Variants in NAV3 observed in about 807,000 individuals in gnomAD.
The protein encoded by NAV3 is neuron navigator 3.
A neutral mutation model predicts 244.7 loss-of-function variants in NAV3; 87 were observed. That is an observed-to-expected ratio of 0.36 (90% CI 0.30 to 0.42). The LOEUF (loss-of-function observed/expected upper bound fraction) is 0.42. NAV3 is among the 20% of genes least tolerant of loss of function. The pLI, the probability that NAV3 is intolerant of heterozygous loss-of-function variation, is 1.00. For synonymous variants in NAV3, 1,126 were observed against 1,042.2 expected, an observed-to-expected ratio of 1.08 and a Z score of -1.55; for missense variants, 2,663 against 2,893.3, an observed-to-expected ratio of 0.92 and a Z score of 1.83.
chr12:77,996,214 C>CCTAT lies in NAV3; in HGVS notation c.740+1344_740+1347dup, dbSNP rs569366446. ...TTGGAATGAACTTTCTAAGTCTATGCCTATGTCTACAGAAATAGTTCTCAG... is the reference window on the plus strand; with the variant it reads ...TTGGAATGAACTTTCTAAGTCTATGCCTATCTATGTCTACAGAAATAGTTCTCAG... On this transcript the variant is annotated intron_variant, in intron 6 of 39. Coordinates refer to ENST00000397909, the MANE Select transcript of NAV3 (RefSeq NM_001024383.2). Among the ~76,000 whole-genome samples, 38 of 152,160 alleles carry CCTAT rather than the reference C, an allele frequency of 2.5e-4. No individual in the cohort carries two copies. In the South Asian group the frequency reaches 7.1e-3, roughly 28 times the overall value.
intron 2 of NAV3, among the ~76,000 whole-genome samples, chr12:77,763,793 T>A (rs1433474444): frequency 6.6e-6 from 1 of 152,180 alleles, no homozygotes; most frequent in Non-Finnish European, 1.5e-5. Context: ...GACCTCATAC[T>A]TGGGATAAAG....
intron 2 of NAV3, among the ~76,000 whole-genome samples, chr12:77,573,626 G>A (rs968658186): frequency 2.6e-5 from 4 of 152,090 alleles, no homozygotes; most frequent in African/African-American, 9.7e-5. Flanking sequence ...TCAATCTAAA[G>A]CATTCTCTGC....
intron 2 of NAV3, among the ~76,000 whole-genome samples, chr12:77,816,680 G>A (rs145704404): frequency 3.4e-4 from 52 of 152,206 alleles, no homozygotes; most frequent in Admixed American, 1.2e-3. Context: ...TCAATGTGTT[G>A]TGCCATTTAC....
At chr12:77,643,949 A>G (rs698155) in intron 2 of NAV3, among the ~76,000 whole-genome samples, 5,233 of 152,208 alleles carry the variant, frequency 0.034, 95 homozygotes, top group Middle Eastern at 0.048. Context: ...AACTTGAAAA[A>G]TATTTGAGCT....
At chr12:78,164,225 A>G (rs1251936351) in intron 23 of NAV3, among the ~76,000 whole-genome samples, 1 of 152,104 alleles carries the variant, frequency 6.6e-6, no homozygotes, top group Non-Finnish European at 1.5e-5. Context: ...CAATTAGAAC[A>G]TATGTTAAGG....
intron 18 of NAV3, among the ~76,000 whole-genome samples, chr12:78,132,544 C>T (rs528320174): frequency 5.5e-4 from 84 of 152,252 alleles, no homozygotes; most frequent in Admixed American, 1.4e-3. Flanking sequence ...TTATTGTAGA[C>T]ACAAGGTCAC....
At chr12:77,652,544 A>G (rs1872874473) in intron 2 of NAV3, among the ~76,000 whole-genome samples, 1 of 152,212 alleles carries the variant, frequency 6.6e-6, no homozygotes, top group African/African-American at 2.4e-5. Context: ...CTAGAATACT[A>G]AAAAGATGTA....
chr12:77,850,926 C>A (rs1877416704), intron 1 of NAV3, among the ~76,000 whole-genome samples: 1 of 152,206 alleles, frequency 6.6e-6, no homozygotes, highest in Admixed American at 6.5e-5. Context: ...TCATATTCTG[C>A]ACCTGTCCTG....
At chr12:78,044,487 T>A (rs1186532337) in intron 9 of NAV3, among the ~76,000 whole-genome samples, 1 of 152,224 alleles carries the variant, frequency 6.6e-6, no homozygotes, top group Non-Finnish European at 1.5e-5. Flanking sequence ...GGTAGCTTTA[T>A]GGGGATAGCA....
At chr12:78,209,112 C>G (rs1408791819) in intron 39 of NAV3, among the ~76,000 whole-genome samples, 1 of 152,084 alleles carries the variant, frequency 6.6e-6, no homozygotes, top group Admixed American at 6.6e-5. Context: ...TTAGGAGAGT[C>G]AGATTGAAAA....
intron 2 of NAV3, chr12:77,775,900 T>A (rs1163909284): frequency 1.3e-5 from 2 of 152,268 alleles, no homozygotes; most frequent in African/African-American, 4.8e-5. Context: ...ATCCTTTGTG[T>A]ACATGCATGA....
chr12:78,107,831 T>G (rs1270678124), intron 12 of NAV3, among the ~76,000 whole-genome samples: 1 of 151,872 alleles, frequency 6.6e-6, no homozygotes, highest in East Asian at 1.9e-4. Flanking sequence ...GGTAAGCAAC[T>G]AAAGGGAGGT....
At chr12:77,962,823 T>A (rs1892149254) in intron 3 of NAV3, among the ~76,000 whole-genome samples, 1 of 152,126 alleles carries the variant, frequency 6.6e-6, no homozygotes, top group Non-Finnish European at 1.5e-5. Flanking sequence ...TAACCTGAAT[T>A]TAGTAAGGTA....
chr12:77,888,024 G>T (rs1175490765), intron 1 of NAV3, among the ~76,000 whole-genome samples: 2 of 148,462 alleles, frequency 1.3e-5, no homozygotes, highest in Admixed American at 6.7e-5. Flanking sequence ...AAGTTGTTGA[G>T]TTTTTTTTTT....
intron 2 of NAV3, among the ~76,000 whole-genome samples, chr12:77,637,351 G>A (rs1872204058): frequency 6.6e-6 from 1 of 151,944 alleles, no homozygotes; most frequent in African/African-American, 2.4e-5. Context: ...ATAGTATTAG[G>A]GGAAAATATC....
intron 2 of NAV3, among the ~76,000 whole-genome samples, chr12:77,701,044 G>A (rs1303528660): frequency 6.6e-6 from 1 of 151,708 alleles, no homozygotes; most frequent in Non-Finnish European, 1.5e-5. Context: ...TGCATGTGAG[G>A]TTTGGTATCA....
chr12:78,027,636 C>G (rs1042423696), intron 9 of NAV3, among the ~76,000 whole-genome samples: 1 of 152,166 alleles, frequency 6.6e-6, no homozygotes, highest in Non-Finnish European at 1.5e-5. Context: ...GTGCACAACA[C>G]AGTTTATTCA....
intron 1 of NAV3, among the ~76,000 whole-genome samples, chr12:77,910,194 A>G (rs939806788): frequency 1.3e-5 from 2 of 152,076 alleles, no homozygotes; most frequent in African/African-American, 4.8e-5. Flanking sequence ...ACAGTTCTGT[A>G]GACTGTACAG....
intron 2 of NAV3, among the ~76,000 whole-genome samples, chr12:77,599,412 C>A (rs1299420747): frequency 2.6e-5 from 4 of 151,878 alleles, no homozygotes; most frequent in Non-Finnish European, 5.9e-5. Context: ...AAAAATTATG[C>A]TTTTCAAAAG....
Sources: allele counts gnomAD v4.1 joint callset (sites outside exome capture counted in the v4.1 genomes callset), GRCh38; gene constraint gnomAD v4.1.1; transcripts MANE v1.5; gene names NCBI Gene and HGNC (gene_info 2026-07-23, HGNC 2026-07-21).